The following TSGA13 variants were observed in gnomAD, a reference collection of about 807,000 sequenced individuals.
TSGA13 encodes the protein testis specific 13.
Under a neutral mutation model 35.1 loss-of-function variants are expected in TSGA13, and 37 were observed. The observed-to-expected ratio is 1.05, with a 90% CI of 0.81 to 1.39. The LOEUF is 1.39. TSGA13 is among the 40% of genes most tolerant of loss of function. The pLI is 0.00. For synonymous variants in TSGA13, 124 were observed against 121.2 expected (o/e 1.02, Z -0.15); for missense variants, 338 against 328.5 (o/e 1.03, Z -0.22).
At chr7:130,678,768 T>A (rs534669035) in intron 5 of TSGA13, among the ~76,000 whole-genome samples, 116 of 152,206 alleles carry the variant, frequency 7.6e-4, no homozygotes, top group Non-Finnish European at 1.5e-3. Flanking sequence ...ACACCTATAA[T>A]CCCAGCACTT....
At position 130,672,764 on chromosome 7, in the gene TSGA13, T is replaced by C. The variant is rs1554463414; in HGVS notation, c.500A>G (p.Asp167Gly). The C allele has an allele frequency of 6.2e-7, 1 of 1,614,064 alleles. No homozygotes were observed. The highest frequency in any genetic ancestry group is 1.7e-5 in the Admixed American group (1 of 60,018). ...CCATTGTTCTCGCTTGGATGTGGGA[T>C]CATCCGACAGTATCAAAGGGAAGAT... Reference protein sequence around the residue: ...KPIFPLILSDDPTSKREQWFR... With the variant: ...KPIFPLILSDGPTSKREQWFR... Residue 167 changes from aspartate to glycine, a missense_variant, in exon 6 of 8, where the codon GAT (aspartate) becomes GGT (glycine). Physicochemically the swap from Asp to Gly is moderately conservative, Grantham distance 94 (BLOSUM62 -1). Coordinates refer to ENST00000356588, the MANE Select transcript of TSGA13 (RefSeq NM_052933.4).
At position 130,680,933 on chromosome 7, in the gene TSGA13, T is replaced by C; in HGVS notation, c.174+13A>G. On this transcript the variant is annotated intron_variant, in intron 4 of 7. Transcript: ENST00000356588. ...CCCCTTAGAGATCTTGGGGGAATGC[T>C]TTCTCTACCTACCAAATTTGGATGG... 1 of 1,613,728 alleles carries C rather than the reference T, an allele frequency of 6.2e-7. No individual in the cohort carries two copies. The highest frequency in any genetic ancestry group is 8.5e-7 in the Non-Finnish European group (1 of 1,179,702).
chr7:130,674,043 C>T (rs1439973737), intron 5 of TSGA13, among the ~76,000 whole-genome samples: 1 of 150,550 alleles, frequency 6.6e-6, no homozygotes, highest in Non-Finnish European at 1.5e-5. Context: ...TGCAGTGAGC[C>T]GAGATCACAC....
In TSGA13 at chr7:130,683,574, C is replaced by T. The variant is rs782232477; in HGVS notation, c.102+20G>A. On this transcript the variant is annotated intron_variant, in intron 3 of 7. Coordinates refer to ENST00000356588, the MANE Select transcript of TSGA13 (RefSeq NM_052933.4). The stretch of plus-strand genomic sequence containing the variant: ...CTCCAAAGAAAAATTAAACATTGAA[C>T]ACTTACTAACACTCCTTACCTCTTT... 6.2e-7 allele frequency: 1 copy of T among 1,605,142 alleles called. No individual in the cohort carries two copies. Among genetic ancestry groups the T allele is most frequent in the South Asian group, 1.1e-5 (1 of 89,268 alleles).
At chr7:130,678,359 A>AT (rs1554464440) in intron 5 of TSGA13, among the ~76,000 whole-genome samples, 2 of 150,724 alleles carry the variant, frequency 1.3e-5, no homozygotes. Context: ...AGCCTGAGCG[A>AT]TAGAACGAGA....
Position 130,668,765 on chromosome 7 carries a change from C to T in TSGA13, c.*249G>A. On this transcript the variant is annotated 3_prime_UTR_variant, in exon 8 of 8. Transcript: ENST00000356588. The stretch of plus-strand genomic sequence containing the variant: ...TGCAGGAAGGCCGGCCCCGCGCTCT[C>T]ACGCCGGTTGGGCCGCCGCGCCTTC... 1.4e-6 allele frequency: 2 copies of T among 1,427,632 alleles called. No individual in the cohort carries two copies. Among genetic ancestry groups the T allele is most frequent in the Non-Finnish European group, 9.4e-7 (1 of 1,068,936 alleles). The allele number at this position is 1,427,632 out of a possible 1,614,324, so 88.4% of individuals were successfully genotyped here.
chr7:130,671,241 A>T (rs1796262292), intron 7 of TSGA13, among the ~76,000 whole-genome samples: 1 of 152,162 alleles, frequency 6.6e-6, no homozygotes, highest in African/African-American at 2.4e-5. Context: ...AAACATTTTA[A>T]AATTTCATTA....
intron 4 of TSGA13, 28 bp from the exon 5 acceptor site, chr7:130,679,395 G>C: frequency 1.3e-6 from 2 of 1,570,016 alleles, no homozygotes; most frequent in South Asian, 2.3e-5. Flanking sequence ...TTTCCAGAGA[G>C]AAAAAGAGAT....
Position 130,685,190 on chromosome 7 carries a change from G to T in TSGA13, c.21C>A (p.Thr7=), listed in dbSNP as rs1374477203. Residue 7 remains threonine (T), a splice_region_variant and synonymous_variant, in exon 2 of 8, where the codon ACC becomes ACA. Transcript: ENST00000356588. ...GTTGGGCAAACAAGACTACATACTT[G>T]GTTTGTCTCTTTTGGCTCATTGCTG... MSQKRQ[T]KFQNGKSKTS... The T allele has an allele frequency of 1.2e-6, 2 of 1,613,106 alleles. No homozygotes were observed.
intron 5 of TSGA13, among the ~76,000 whole-genome samples, chr7:130,676,723 C>T (rs1161659734): frequency 1.3e-5 from 2 of 152,208 alleles, no homozygotes. Context: ...GAAACACTAA[C>T]TCCAAATTCA....
At chr7:130,678,561 G>C (rs1287465149) in intron 5 of TSGA13, among the ~76,000 whole-genome samples, 1 of 152,166 alleles carries the variant, frequency 6.6e-6, no homozygotes, top group East Asian at 1.9e-4. Context: ...TCAGTGGCTA[G>C]TCTACCCTTT....
intron 7 of TSGA13, among the ~76,000 whole-genome samples, chr7:130,670,745 C>CAAGG (rs1796247997): frequency 6.6e-6 from 1 of 152,066 alleles, no homozygotes; most frequent in African/African-American, 2.4e-5. Flanking sequence ...TCAAGCCCCC[C>CAAGG]AAGTAGCTCA....
intron 5 of TSGA13, among the ~76,000 whole-genome samples, chr7:130,674,006 A>C (rs1796347806): frequency 6.6e-6 from 1 of 151,376 alleles, no homozygotes; most frequent in African/African-American, 2.4e-5. Flanking sequence ...GAGGCAGGAG[A>C]ATCGCTTGAA....
chr7:130,682,015 C>T (rs1489094435), intron 3 of TSGA13, among the ~76,000 whole-genome samples: 1 of 152,034 alleles, frequency 6.6e-6, no homozygotes, highest in Non-Finnish European at 1.5e-5. Flanking sequence ...TCATAGGTCC[C>T]TGTAACCTTG....
chr7:130,683,825 T>A (rs1264422908), intron 2 of TSGA13, among the ~76,000 whole-genome samples, 153 bp from the exon 3 acceptor site: 1 of 152,148 alleles, frequency 6.6e-6, no homozygotes, highest in Non-Finnish European at 1.5e-5. Flanking sequence ...AGCAAAAAAA[T>A]CAGACTCATT....
Position 130,671,688 on chromosome 7 carries a change from C to G in TSGA13, c.631G>C (p.Val211Leu). ...TCTTTCCTCATATCTCTCTCATGGA[C>G]TGGAGCAAAGGTGAGCTGAGGGTAC... ...KMYPQLTFAP[V>L]HERDMRKDAS... The change falls in exon 7 of 8, where the codon GTC (valine) becomes CTC (leucine). Residue 211 changes from valine (V) to leucine (L), a missense_variant. Physicochemically the swap from Val to Leu is conservative, Grantham distance 32. Transcript: ENST00000356588. 3 of 1,603,600 alleles carry G rather than the reference C, an allele frequency of 1.9e-6. No homozygotes were observed. Among genetic ancestry groups the G allele is most frequent in the South Asian group, 1.1e-5 (1 of 89,798 alleles).
intron 1 of TSGA13, among the ~76,000 whole-genome samples, chr7:130,685,867 C>T (rs1210875462): frequency 6.6e-6 from 1 of 152,074 alleles, no homozygotes; most frequent in Non-Finnish European, 1.5e-5. Context: ...TAAGGTAGAA[C>T]CAACCATTTA....
At chr7:130,678,594 T>C (rs183929952) in intron 5 of TSGA13, among the ~76,000 whole-genome samples, 225 of 152,322 alleles carry the variant, frequency 1.5e-3, no homozygotes, top group Middle Eastern at 6.8e-3. Flanking sequence ...TTAAATATCT[T>C]TGGCCAAAGA....
intron 4 of TSGA13, 91 bp from the exon 5 acceptor site, chr7:130,679,458 G>T (rs782052527): frequency 7.9e-6 from 9 of 1,137,778 alleles, no homozygotes; most frequent in Admixed American, 7.5e-5. Context: ...CCTCTGTGGG[G>T]TAAGAACAGA....
Sources: gnomAD v4.1 joint callset for allele counts (sites outside exome capture counted in the v4.1 genomes callset) on GRCh38, gnomAD v4.1.1 for gene constraint, MANE v1.5 for transcripts, NCBI Gene and HGNC (gene_info 2026-07-23, HGNC 2026-07-21) for gene names.